TRPM6: variants seen among roughly 807,000 people sequenced by gnomAD.
The protein encoded by TRPM6 is transient receptor potential cation channel subfamily M member 6, also known as channel kinase 2.
TRPM6 carries 111 observed loss-of-function variants against 247.6 expected under a neutral mutation model. The observed-to-expected ratio is 0.45, with a 90% CI of 0.38 to 0.52. The LOEUF (loss-of-function observed/expected upper bound fraction) is 0.52. Among genes scored for constraint, TRPM6 ranks in the 20% least tolerant of loss-of-function variants. The pLI is 0.00. For missense variants in TRPM6, 2,126 were observed against 2,421.5 expected (o/e 0.88, Z 2.56); for synonymous variants, 892 against 853.8 (o/e 1.04, Z -0.78).
chr9:74,815,475 C>G (rs1828893738), intron 11 of TRPM6, among the ~76,000 whole-genome samples: 1 of 152,100 alleles, frequency 6.6e-6, no homozygotes. Flanking sequence ...CACATGTATA[C>G]CATCAAAATG....
At chr9:74,739,636 G>C in intron 34 of TRPM6, 87 bp downstream of exon 34, 1 of 1,579,466 alleles carries the variant, frequency 6.3e-7, no homozygotes, top group Non-Finnish European at 8.6e-7. Flanking sequence ...TTTGGGTTGA[G>C]GATAATGGCC....
chr9:74,798,055 A>T (rs183579655), intron 17 of TRPM6, among the ~76,000 whole-genome samples: 20 of 152,290 alleles, frequency 1.3e-4, no homozygotes, highest in African/African-American at 3.6e-4. Context: ...TTCAAAAAAA[A>T]TTTTTAAGTT....
At chr9:74,738,361 C>A in intron 36 of TRPM6, 46 bp downstream of exon 36, 1 of 1,603,236 alleles carries the variant, frequency 6.2e-7, no homozygotes, top group Non-Finnish European at 8.5e-7. Flanking sequence ...GATCTCTTTA[C>A]ACTTTGCCTC....
At chr9:74,807,379 A>C (rs1587528129) in intron 14 of TRPM6, among the ~76,000 whole-genome samples, 1 of 152,150 alleles carries the variant, frequency 6.6e-6, no homozygotes, top group East Asian at 1.9e-4. Context: ...ACCCAAAACT[A>C]CATTTTCTAA....
chr9:74,845,679 A>G (rs1297117654), intron 3 of TRPM6, among the ~76,000 whole-genome samples: 1 of 152,080 alleles, frequency 6.6e-6, no homozygotes, highest in Non-Finnish European at 1.5e-5. Context: ...AAAAAATATA[A>G]AAAATTAGCC....
intron 25 of TRPM6, among the ~76,000 whole-genome samples, chr9:74,770,131 A>G (rs1029510910): frequency 6.6e-6 from 1 of 152,206 alleles, no homozygotes; most frequent in African/African-American, 2.4e-5. Flanking sequence ...AGAAACACAG[A>G]TTTATATAAA....
chr9:74,797,625 G>C (rs1305509900), intron 17 of TRPM6, among the ~76,000 whole-genome samples: 1 of 151,978 alleles, frequency 6.6e-6, no homozygotes. Context: ...GATATGAAGA[G>C]CCAACTGTAT....
intron 22 of TRPM6, 46 bp from the exon 23 acceptor site, chr9:74,782,522 A>G (rs766040986): frequency 2.6e-6 from 4 of 1,510,956 alleles, no homozygotes; most frequent in East Asian, 2.3e-5. Context: ...GATGAATCAC[A>G]GTCCTGCCAC....
chr9:74,872,968 T>G, intron 1 of TRPM6, among the ~76,000 whole-genome samples: 1 of 152,198 alleles, frequency 6.6e-6, no homozygotes, highest in East Asian at 1.9e-4. Flanking sequence ...CATTATCACA[T>G]AAAACCTTCC....
At chr9:74,804,990 A>G (rs1828483259) in intron 14 of TRPM6, among the ~76,000 whole-genome samples, 1 of 152,248 alleles carries the variant, frequency 6.6e-6, no homozygotes, top group Non-Finnish European at 1.5e-5. Flanking sequence ...ATCTTAAACA[A>G]TTAAAGACTA....
At chr9:74,798,454 T>C (rs1194584524) in intron 17 of TRPM6, among the ~76,000 whole-genome samples, 1 of 152,154 alleles carries the variant, frequency 6.6e-6, no homozygotes, top group Non-Finnish European at 1.5e-5. Flanking sequence ...TCATGCCCAG[T>C]GGTAATATTG....
At chr9:74,791,301 A>G (rs2118969338) in intron 19 of TRPM6, among the ~76,000 whole-genome samples, 1 of 152,336 alleles carries the variant, frequency 6.6e-6, no homozygotes, top group East Asian at 1.9e-4. Flanking sequence ...AGTATAGGAA[A>G]TAAGTGTGTG....
chr9:74,739,105 C>G (rs1460286662), intron 35 of TRPM6, among the ~76,000 whole-genome samples: 2 of 152,196 alleles, frequency 1.3e-5, no homozygotes, highest in East Asian at 3.9e-4. Flanking sequence ...CAAGATCTGT[C>G]TGTTTCCCAT....
chr9:74,804,623 A>G, intron 14 of TRPM6: 5 of 748,458 alleles, frequency 6.7e-6, no homozygotes, highest in Non-Finnish European at 1.2e-5. Context: ...CTGAGGTTAC[A>G]AACTGGTCTG....
chr9:74,811,943 AT>A (rs1828743548), intron 12 of TRPM6, among the ~76,000 whole-genome samples: 1 of 152,170 alleles, frequency 6.6e-6, no homozygotes, highest in South Asian at 2.1e-4. Flanking sequence ...ACAGCAGTGG[AT>A]TTTCCTCAGG....
chr9:74,789,565 C>A (rs1442556956), intron 19 of TRPM6, among the ~76,000 whole-genome samples: 1 of 152,152 alleles, frequency 6.6e-6, no homozygotes, highest in Non-Finnish European at 1.5e-5. Flanking sequence ...GACAGAAGGG[C>A]TTTACCAAAT....
At chr9:74,822,817 C>G (rs1190439082) in intron 7 of TRPM6, among the ~76,000 whole-genome samples, 1 of 151,914 alleles carries the variant, frequency 6.6e-6, no homozygotes, top group East Asian at 1.9e-4. Context: ...GAATAATATG[C>G]ACAGTATTAT....
chr9:74,884,321 C>T (rs920735110), intron 1 of TRPM6, among the ~76,000 whole-genome samples: 3 of 151,904 alleles, frequency 2.0e-5, no homozygotes, highest in Non-Finnish European at 4.4e-5. Context: ...AACCCCGTCT[C>T]GACTAAAAAT....
chr9:74,770,509 A>G (rs1257989279), intron 25 of TRPM6, among the ~76,000 whole-genome samples: 1 of 152,142 alleles, frequency 6.6e-6, no homozygotes, highest in African/African-American at 2.4e-5. Context: ...ATAGCTTCCT[A>G]ATATGTTCAG....
Sources: gnomAD v4.1 joint callset for allele counts (sites outside exome capture counted in the v4.1 genomes callset) on GRCh38, gnomAD v4.1.1 for gene constraint, MANE v1.5 for transcripts, NCBI Gene and HGNC (gene_info 2026-07-23, HGNC 2026-07-21) for gene names.